PDS5A: variants seen among roughly 807,000 people sequenced by gnomAD.
The protein encoded by PDS5A is PDS5 cohesin associated factor A, also known as sister chromatid cohesion protein PDS5 homolog A.
PDS5A carries 42 observed loss-of-function variants against 167.1 expected under a neutral mutation model. That is an observed-to-expected ratio of 0.25 (90% CI 0.20 to 0.33). The LOEUF (loss-of-function observed/expected upper bound fraction) is 0.33, where lower values mean the gene tolerates loss of function less well. Ranked by LOEUF, PDS5A falls within the 10% of genes least tolerant of loss-of-function variation. The probability of loss-of-function intolerance (pLI) is 1.00; values close to 1 mark genes in which losing one functional copy is unlikely to be tolerated. For synonymous variants in PDS5A, 553 were observed against 554.6 expected, an observed-to-expected ratio of 1.00 and a Z score of 0.04; for missense variants, 1,033 against 1,605.9, an observed-to-expected ratio of 0.64 and a Z score of 6.10.
chr4:39,954,181 GA>G (rs11430818), intron 2 of PDS5A, among the ~76,000 whole-genome samples: 1 of 145,884 alleles, frequency 6.9e-6, no homozygotes, highest in African/African-American at 2.5e-5. Flanking sequence ...TCTCTACGGA[GA>G]AAAAAAAACA....
chr4:39,863,331 C>G lies in PDS5A; in HGVS notation c.2766+5G>C. ...GTAATTGACAAAAATAAGATTGTTA[C>G]TTACATTAATAACAAGTGCACAGAG... On this transcript the variant is annotated splice_donor_5th_base_variant and intron_variant, in intron 24 of 32. Coordinates refer to ENST00000303538, the MANE Select transcript of PDS5A (RefSeq NM_001100399.2). The G allele has an allele frequency of 6.3e-7, 1 of 1,575,014 alleles. No homozygotes were observed. Among genetic ancestry groups the G allele is most frequent in the Non-Finnish European group, 8.6e-7 (1 of 1,162,708 alleles).
intron 19 of PDS5A, among the ~76,000 whole-genome samples, chr4:39,874,667 T>C (rs1412555177): frequency 6.6e-6 from 1 of 152,184 alleles, no homozygotes; most frequent in Admixed American, 6.5e-5. Flanking sequence ...ATATGCAAAA[T>C]AACAAGCAAC....
chr4:39,831,676 A>G (rs1268661703), intron 32 of PDS5A, among the ~76,000 whole-genome samples: 1 of 151,496 alleles, frequency 6.6e-6, no homozygotes. Flanking sequence ...TCGGGAGTTC[A>G]AGACCAGCCT....
At chr4:39,844,927 T>G (rs1717453823) in intron 29 of PDS5A, 126 bp from the exon 30 acceptor site, 5 of 1,023,634 alleles carry the variant, frequency 4.9e-6, no homozygotes, top group Non-Finnish European at 6.7e-6. Context: ...CCAGAAATGT[T>G]CATTCTGGGC....
chr4:39,904,302 C>A (rs1319560340), intron 11 of PDS5A, 111 bp from the exon 12 acceptor site: 1 of 551,292 alleles, frequency 1.8e-6, no homozygotes, highest in Non-Finnish European at 3.0e-6. Flanking sequence ...CCTTTATAAA[C>A]TGGCACACTA....
intron 7 of PDS5A, among the ~76,000 whole-genome samples, chr4:39,919,664 T>A (rs1341437663): frequency 2.0e-5 from 3 of 152,050 alleles, no homozygotes; most frequent in African/African-American, 7.2e-5. Context: ...TTTTTTTTCA[T>A]AAAGTATGTG....
rs1254428118 is a variant in PDS5A, at chr4:39,929,538, T to TACAC, written c.139-1375_139-1374insGTGT. ...AATAAACTATATATATATATATATA[T>TACAC]ATATATATATATATATATCCCATTA... On this transcript the variant is annotated intron_variant, in intron 2 of 32. Coordinates refer to ENST00000303538, the MANE Select transcript of PDS5A (RefSeq NM_001100399.2). Among the ~76,000 whole-genome samples the TACAC allele has an allele frequency of 3.3e-5, 4 of 122,068 alleles. 1 individual carries two copies. Among genetic ancestry groups the TACAC allele is most frequent in the South Asian group, 2.7e-4 (1 of 3,724 alleles). 80.1% of individuals were successfully genotyped at this position (122,068 alleles called of 152,430 possible). A position where few individuals can be genotyped will look rare whatever the true frequency, so the allele number is the denominator to read the frequency against.
At chr4:39,875,164 C>T (rs1003898013) in intron 19 of PDS5A, among the ~76,000 whole-genome samples, 1 of 152,090 alleles carries the variant, frequency 6.6e-6, no homozygotes, top group Non-Finnish European at 1.5e-5. Flanking sequence ...AAACAGTCTT[C>T]TTTTAGGATG....
chr4:39,963,614 G>C (rs2109811942), intron 2 of PDS5A, among the ~76,000 whole-genome samples: 1 of 152,296 alleles, frequency 6.6e-6, no homozygotes, highest in Non-Finnish European at 1.5e-5. Flanking sequence ...GGGAGGTTGA[G>C]GTGGGTAGAA....
chr4:39,922,746 T>C lies in PDS5A; in HGVS notation c.530A>G (p.Asn177Ser), dbSNP rs773122888. 1.6e-5 allele frequency: 23 copies of C among 1,414,750 alleles called. No individual in the cohort carries two copies. Among genetic ancestry groups the C allele is most frequent in the South Asian group, 4.9e-5 (3 of 60,842 alleles). 87.6% of individuals were successfully genotyped at this position (1,414,750 alleles called of 1,614,324 possible). Residue 177 changes from asparagine (N) to serine (S), a missense_variant and splice_region_variant, in exon 6 of 33, where the codon AAT (asparagine) becomes AGT (serine). Around this residue, in one of 4 missense-constraint regions of PDS5A, gnomAD observed 388 missense variants for 615.1 expected, o/e 0.63. Coordinates refer to ENST00000303538, the MANE Select transcript of PDS5A (RefSeq NM_001100399.2). Reference protein sequence around the residue: ...LFRTLFSVINNSHNKKVQMHM... With the variant: ...LFRTLFSVINSSHNKKVQMHM... The stretch of plus-strand genomic sequence containing the variant: ...CATTTGTACCTTCTTATTGTGGCTA[T>C]TGCTATAAAAAAAAAAAAAAAAGAA...
chr4:39,897,894 A>C, intron 16 of PDS5A: 1 of 280,436 alleles, frequency 3.6e-6, no homozygotes, highest in Non-Finnish European at 5.4e-6. Flanking sequence ...TGAATAAATG[A>C]ATGCATAAGT....
intron 30 of PDS5A, among the ~76,000 whole-genome samples, chr4:39,843,991 A>G (rs1459962404): frequency 6.6e-6 from 1 of 151,874 alleles, no homozygotes; most frequent in African/African-American, 2.4e-5. Flanking sequence ...TGAAAAGTAC[A>G]AAAGAAAATT....
At chr4:39,906,291 C>G (rs35681692) in intron 11 of PDS5A, among the ~76,000 whole-genome samples, 3 of 151,710 alleles carry the variant, frequency 2.0e-5, no homozygotes, top group African/African-American at 7.3e-5. Flanking sequence ...TCGCTTGAGC[C>G]TGGGAAGAGG....
At chr4:39,934,381 G>A (rs1004476097) in intron 2 of PDS5A, among the ~76,000 whole-genome samples, 1 of 152,170 alleles carries the variant, frequency 6.6e-6, no homozygotes, top group African/African-American at 2.4e-5. Flanking sequence ...TTTGAAACAT[G>A]ACTCTGATTT....
chr4:39,913,603 T>G lies in PDS5A; in HGVS notation c.992+8A>C, dbSNP rs763078002. ...AAATATAAACATCAGAATTATATGT[T>G]CTCTTACCGTCCAAGAAAACATTGC... On this transcript the variant is annotated splice_region_variant and intron_variant, in intron 9 of 32. Coordinates refer to ENST00000303538, the MANE Select transcript of PDS5A (RefSeq NM_001100399.2). 6.9e-7 allele frequency: 1 copy of G among 1,447,234 alleles called. No homozygotes were observed. Among genetic ancestry groups the G allele is most frequent in the Admixed American group, 1.7e-5 (1 of 59,810 alleles). 89.6% of individuals were successfully genotyped at this position (1,447,234 alleles called of 1,614,324 possible). A position where few individuals can be genotyped will look rare whatever the true frequency, so the allele number is the denominator to read the frequency against.
intron 2 of PDS5A, chr4:39,932,503 TG>T (rs1560495697): frequency 4.4e-6 from 1 of 227,828 alleles, no homozygotes; most frequent in Non-Finnish European, 9.9e-6. Flanking sequence ...CCTGATGCCA[TG>T]TATGTCAAAC....
intron 2 of PDS5A, 106 bp downstream of exon 2, chr4:39,976,332 AAG>A: frequency 1.3e-6 from 1 of 792,998 alleles, no homozygotes; most frequent in South Asian, 1.9e-5. Flanking sequence ...CAGAGGGGGT[AAG>A]AGATCTAAAA....
chr4:39,869,670 C>T (rs931803678), intron 21 of PDS5A, among the ~76,000 whole-genome samples: 2 of 152,164 alleles, frequency 1.3e-5, no homozygotes, highest in African/African-American at 4.8e-5. Flanking sequence ...GACAGTGTGG[C>T]TGGTACTGGC....
intron 32 of PDS5A, among the ~76,000 whole-genome samples, chr4:39,830,796 T>C (rs543524617): frequency 4.5e-4 from 68 of 152,262 alleles, no homozygotes; most frequent in Admixed American, 1.6e-3. Context: ...TATGCCACTT[T>C]CAAAAACATC....
Sources: allele counts gnomAD v4.1 joint callset (sites outside exome capture counted in the v4.1 genomes callset), GRCh38; gene constraint gnomAD v4.1.1; regional missense constraint gnomAD v4.1.1; transcripts MANE v1.5; gene names NCBI Gene and HGNC (gene_info 2026-07-23, HGNC 2026-07-21).